Variants in PDE8A observed in about 807,000 individuals in gnomAD.
PDE8A encodes high affinity cAMP-specific and IBMX-insensitive 3',5'-cyclic phosphodiesterase 8A.
A neutral mutation model predicts 105.0 loss-of-function variants in PDE8A; 59 were observed. The ratio of observed to expected loss-of-function variants is 0.56; its 90% CI spans 0.46 to 0.70. The LOEUF (loss-of-function observed/expected upper bound fraction) is 0.70. PDE8A is among the 30% of genes least tolerant of loss of function. The pLI, the probability that PDE8A is intolerant of heterozygous loss-of-function variation, is 0.00. For missense variants in PDE8A, 1,014 were observed against 1,045.9 expected (o/e 0.97, Z 0.42); for synonymous variants, 355 against 371.9 (o/e 0.95, Z 0.52).
At chr15:85,109,982 C>T (rs2081997937) in intron 12 of PDE8A, among the ~76,000 whole-genome samples, 1 of 152,212 alleles carries the variant, frequency 6.6e-6, no homozygotes, top group Non-Finnish European at 1.5e-5. Flanking sequence ...GTCCCAGCTT[C>T]ATCTACTCTC....
At chr15:85,047,485 T>G (rs1405509018) in intron 1 of PDE8A, among the ~76,000 whole-genome samples, 1 of 152,210 alleles carries the variant, frequency 6.6e-6, no homozygotes, top group Non-Finnish European at 1.5e-5. Context: ...GTAGACAGGA[T>G]GTAAGGTTAA....
chr15:85,071,675 A>C (rs2081313150), intron 3 of PDE8A, among the ~76,000 whole-genome samples: 1 of 152,168 alleles, frequency 6.6e-6, no homozygotes, highest in Admixed American at 6.5e-5. Context: ...GCCCAGACCT[A>C]AGAGGAGGAC....
chr15:84,986,673 C>G (rs572498918), intron 1 of PDE8A, among the ~76,000 whole-genome samples: 22 of 151,654 alleles, frequency 1.5e-4, no homozygotes, highest in Non-Finnish European at 2.9e-4. Flanking sequence ...AGTGCAGTGG[C>G]ACAACCATGG....
chr15:85,059,288 T>G (rs1417750413), intron 1 of PDE8A, among the ~76,000 whole-genome samples: 1 of 152,220 alleles, frequency 6.6e-6, no homozygotes, highest in East Asian at 1.9e-4. Context: ...GCCTAATATG[T>G]AGTCTGTCCT....
intron 1 of PDE8A, among the ~76,000 whole-genome samples, chr15:85,015,282 A>G (rs2080306658): frequency 6.6e-6 from 1 of 151,342 alleles, no homozygotes; most frequent in Non-Finnish European, 1.5e-5. Context: ...GCTAGAGAGC[A>G]GTGGTGCAAT....
chr15:85,109,252 CT>C (rs1191837237), intron 12 of PDE8A, 122 bp downstream of exon 12: 4 of 561,002 alleles, frequency 7.1e-6, no homozygotes, highest in Admixed American at 3.2e-5. Context: ...AGGGAACCCT[CT>C]GGAAACTAGT....
At chr15:85,023,954 A>T (rs974972519) in intron 1 of PDE8A, among the ~76,000 whole-genome samples, 1 of 152,106 alleles carries the variant, frequency 6.6e-6, no homozygotes, top group Non-Finnish European at 1.5e-5. Flanking sequence ...GTTTGGTGGA[A>T]CTGGCTGTCC....
At position 84,988,081 on chromosome 15, in the gene PDE8A, G is replaced by C. The variant is rs74024777; in HGVS notation, c.186+5733G>C. Among the ~76,000 whole-genome samples, 771 of 152,230 alleles carry C rather than the reference G, an allele frequency of 5.1e-3. 3 individuals carry two copies. Among genetic ancestry groups the C allele is most frequent in the African/African-American group, 0.017 (715 of 41,552 alleles). On this transcript the variant is annotated intron_variant, in intron 1 of 21. Coordinates refer to ENST00000394553, the MANE Select transcript of PDE8A (RefSeq NM_002605.3). ...CTGTGTTGCAAGCACCATGTTAGAT[G>C]CTTTAAAGATGTTATCTCATTTAAT...
intron 16 of PDE8A, 22 bp from the exon 17 acceptor site, chr15:85,117,619 G>C: frequency 6.2e-7 from 1 of 1,602,244 alleles, no homozygotes; most frequent in Admixed American, 1.7e-5. Context: ...TTCTAATATT[G>C]TGGGGTTTTT....
chr15:85,023,345 G>A (rs72757021), intron 1 of PDE8A, among the ~76,000 whole-genome samples: 13,080 of 152,092 alleles, frequency 0.086, 1,538 homozygotes, highest in African/African-American at 0.27. Flanking sequence ...TTTTTCTCCC[G>A]CAGTGGTTAT....
At position 85,117,849 on chromosome 15, in the gene PDE8A, T is replaced by G. The variant is rs759065918; in HGVS notation, c.1734+10T>G. On this transcript the variant is annotated intron_variant, in intron 17 of 21. Transcript: ENST00000394553. ...CAAGGAGAGGATAAAGGTGAGCTGT[T>G]GTTTACCTGCCACATTTAATGGGCA... 8 of 1,601,980 alleles carry G rather than the reference T, an allele frequency of 5.0e-6. No homozygotes were observed. The Middle Eastern group carries it at 6.6e-4, about 133-fold the overall frequency.
chr15:84,981,556 C>G (rs1476452352), upstream of PDE8A, among the ~76,000 whole-genome samples: 3 of 152,184 alleles, frequency 2.0e-5, no homozygotes, highest in Non-Finnish European at 4.4e-5. Flanking sequence ...GCGCCTAAAC[C>G]CCGGCCAGCG....
intron 17 of PDE8A, among the ~76,000 whole-genome samples, chr15:85,118,750 G>A (rs2082134777): frequency 6.6e-6 from 1 of 152,152 alleles, no homozygotes; most frequent in African/African-American, 2.4e-5. Context: ...CCTTGACTGG[G>A]GCCTAAGATG....
At chr15:85,051,614 C>G (rs1042367900) in intron 1 of PDE8A, among the ~76,000 whole-genome samples, 1 of 152,180 alleles carries the variant, frequency 6.6e-6, no homozygotes, top group African/African-American at 2.4e-5. Flanking sequence ...CTTCCTGATG[C>G]TGTCCCTCCC....
Position 85,053,876 on chromosome 15 carries a change from G to C in PDE8A, c.187-10494G>C, listed in dbSNP as rs561818801. 9.2e-5 allele frequency among the ~76,000 whole-genome samples: 14 copies of C among 152,330 alleles called. No homozygotes were observed. The South Asian group carries it at 2.9e-3, about 32-fold the overall frequency. On this transcript the variant is annotated intron_variant, in intron 1 of 21. Coordinates refer to ENST00000394553, the MANE Select transcript of PDE8A (RefSeq NM_002605.3). ...TATGTTGAATAGGAGTGGTGAGAGA[G>C]GGCATCCCTGTCTTGTGCCAGTTTT...
chr15:85,084,023 C>T (rs2081509193), intron 6 of PDE8A, among the ~76,000 whole-genome samples: 1 of 151,330 alleles, frequency 6.6e-6, no homozygotes, highest in Non-Finnish European at 1.5e-5. Context: ...CTACAATAAG[C>T]ATTTTATCTG....
intron 12 of PDE8A, among the ~76,000 whole-genome samples, chr15:85,110,633 T>C (rs558717737): frequency 1.3e-5 from 2 of 152,376 alleles, no homozygotes; most frequent in South Asian, 4.1e-4. Context: ...GTTCCTTCCT[T>C]ATTGCTCAGT....
At chr15:85,014,591 T>C (rs75870308) in intron 1 of PDE8A, among the ~76,000 whole-genome samples, 1,911 of 152,294 alleles carry the variant, frequency 0.013, 47 homozygotes, top group African/African-American at 0.042. Flanking sequence ...AGTATTTTAA[T>C]GTATTTGATA....
intron 1 of PDE8A, among the ~76,000 whole-genome samples, chr15:84,995,640 C>T (rs1227726356): frequency 1.3e-5 from 2 of 152,156 alleles, no homozygotes; most frequent in Admixed American, 6.5e-5. Flanking sequence ...TTATATAAGA[C>T]TTCTTTCCCT....
Sources: allele counts gnomAD v4.1 joint callset (sites outside exome capture counted in the v4.1 genomes callset), GRCh38; gene constraint gnomAD v4.1.1; transcripts MANE v1.5; gene names NCBI Gene and HGNC (gene_info 2026-07-23, HGNC 2026-07-21).